The following IL1RAPL2 variants were observed in gnomAD, a reference collection of about 807,000 sequenced individuals.
IL1RAPL2 encodes interleukin 1 receptor accessory protein like 2.
A neutral mutation model predicts 44.1 loss-of-function variants in IL1RAPL2; 3 were observed. The ratio of observed to expected loss-of-function variants is 0.07; its 90% CI spans 0.03 to 0.18. The LOEUF is 0.18. Ranked by LOEUF, IL1RAPL2 falls within the 10% of genes least tolerant of loss-of-function variation. IL1RAPL2 has a pLI of 1.00. For missense variants in IL1RAPL2, 391 were observed against 496.4 expected (o/e 0.79, Z 2.02); for synonymous variants, 181 against 178.8 (o/e 1.01, Z -0.10).
chrX:105,670,492 G>A (rs1456392330), intron 6 of IL1RAPL2, among the ~76,000 whole-genome samples: 3 of 104,294 alleles, frequency 2.9e-5, no homozygotes, highest in Non-Finnish European at 5.9e-5. Context: ...GTAGAGACGG[G>A]GTTTCACAGT....
intron 5 of IL1RAPL2, among the ~76,000 whole-genome samples, chrX:105,426,846 C>T (rs1361669723): frequency 1.1e-4 from 12 of 112,051 alleles, no homozygotes; most frequent in Admixed American, 1.0e-3. Flanking sequence ...GCCATGTACC[C>T]TCAGACCCCA....
intron 4 of IL1RAPL2, among the ~76,000 whole-genome samples, chrX:105,240,096 C>G (rs2034157109): frequency 8.9e-6 from 1 of 112,208 alleles, no homozygotes; most frequent in Non-Finnish European, 1.9e-5. Flanking sequence ...GTACAAGTCA[C>G]CACAACAATA....
chrX:104,676,175 A>G (rs868181506), intron 2 of IL1RAPL2, among the ~76,000 whole-genome samples: 3 of 110,869 alleles, frequency 2.7e-5, no homozygotes, highest in African/African-American at 9.9e-5. Context: ...TCGTTAGTTG[A>G]TGCAGTTTCT....
chrX:104,871,498 T>C (rs769002290), intron 2 of IL1RAPL2, among the ~76,000 whole-genome samples: 40 of 111,998 alleles, frequency 3.6e-4, no homozygotes, highest in Middle Eastern at 9.3e-3. Flanking sequence ...CCTTTCCAAC[T>C]CTGACATTGT....
intron 2 of IL1RAPL2, among the ~76,000 whole-genome samples, chrX:104,719,272 G>T (rs941565870): frequency 3.6e-5 from 4 of 112,047 alleles, no homozygotes; most frequent in Non-Finnish European, 7.5e-5. Flanking sequence ...ACTGGCTTAT[G>T]CATATAAATG....
intron 2 of IL1RAPL2, among the ~76,000 whole-genome samples, chrX:104,772,637 G>A (rs944788894): frequency 1.3e-4 from 14 of 111,781 alleles, no homozygotes; most frequent in South Asian, 7.4e-4. Flanking sequence ...AAAGCACAGA[G>A]ATGTATAATT....
chrX:105,700,342 C>G (rs1375447611), intron 6 of IL1RAPL2, among the ~76,000 whole-genome samples: 1 of 111,982 alleles, frequency 8.9e-6, no homozygotes, highest in Non-Finnish European at 1.9e-5. Context: ...AGTCATGTAA[C>G]CACTTCATTC....
intron 1 of IL1RAPL2, among the ~76,000 whole-genome samples, chrX:104,572,906 C>G (rs1436321150): frequency 8.9e-6 from 1 of 112,348 alleles, no homozygotes; most frequent in Non-Finnish European, 1.9e-5. Context: ...TCAGCAATCT[C>G]TCCCTTTTCA....
At chrX:105,044,294 A>G (rs1020962633) in intron 2 of IL1RAPL2, among the ~76,000 whole-genome samples, 40 of 111,468 alleles carry the variant, frequency 3.6e-4, no homozygotes, top group African/African-American at 1.3e-3. Flanking sequence ...AAGTGTTAAT[A>G]GTTTTGTATT....
At chrX:105,220,265 T>A in intron 3 of IL1RAPL2, 1 of 1,210,924 alleles carries the variant, frequency 8.3e-7, no homozygotes, top group Non-Finnish European at 1.1e-6. Flanking sequence ...TCTTCCACCT[T>A]CTCCCAGGAT....
intron 6 of IL1RAPL2, among the ~76,000 whole-genome samples, chrX:105,591,883 A>T (rs1425830826): frequency 3.6e-5 from 4 of 110,887 alleles, no homozygotes; most frequent in African/African-American, 6.6e-5. Context: ...GAGAAGAGTG[A>T]ATATTTTGTT....
At chrX:104,894,761 C>T (rs1367114252) in intron 2 of IL1RAPL2, among the ~76,000 whole-genome samples, 2 of 112,230 alleles carry the variant, frequency 1.8e-5, no homozygotes, top group Middle Eastern at 4.6e-3. Context: ...GAAGTTTGAT[C>T]ATCTGAAGCC....
intron 6 of IL1RAPL2, among the ~76,000 whole-genome samples, chrX:105,691,916 TATAAC>T (rs984183930): frequency 5.4e-5 from 6 of 111,751 alleles, no homozygotes; most frequent in South Asian, 3.7e-4. Context: ...AAATTCCAGT[TATAAC>T]ATAGCTGAAA....
intron 2 of IL1RAPL2, among the ~76,000 whole-genome samples, chrX:105,053,178 C>T (rs996642374): frequency 2.7e-5 from 3 of 111,081 alleles, no homozygotes. Flanking sequence ...TCCAATTTTC[C>T]ACCCTAGCAT....
Position 105,607,635 on chromosome X carries a change from C to CAAAAAA in IL1RAPL2, c.773-109709_773-109704dup, listed in dbSNP as rs11377516. Among the ~76,000 whole-genome samples the CAAAAAA allele has an allele frequency of 1.4e-3, 22 of 15,712 alleles. 1 individual carries two copies. Among genetic ancestry groups the CAAAAAA allele is most frequent in the East Asian group, 3.8e-3 (1 of 261 alleles). The allele number at this position is 15,712 out of a possible 115,157, so 13.6% of individuals were successfully genotyped here. On this transcript the variant is annotated intron_variant, in intron 6 of 10. Transcript: ENST00000372582. ...AAAAGATGCATGGACATTCAGCAGA[C>CAAAAAA]AAAAAAAAAAAAAAAAAAAAAAAAA...
At chrX:104,902,691 ATAT>A (rs1923855282) in intron 2 of IL1RAPL2, among the ~76,000 whole-genome samples, 2 of 112,036 alleles carry the variant, frequency 1.8e-5, no homozygotes, top group South Asian at 7.4e-4. Context: ...TTTCCTGTCT[ATAT>A]GTATATATTC....
chrX:105,512,110 C>T (rs2036474739), intron 6 of IL1RAPL2, among the ~76,000 whole-genome samples: 1 of 111,073 alleles, frequency 9.0e-6, no homozygotes, highest in African/African-American at 3.3e-5. Flanking sequence ...AGAAATATGG[C>T]ATTTCTGGGT....
At chrX:104,756,561 A>C (rs1318076980) in intron 2 of IL1RAPL2, among the ~76,000 whole-genome samples, 2 of 110,782 alleles carry the variant, frequency 1.8e-5, no homozygotes, top group Non-Finnish European at 3.8e-5. Flanking sequence ...CATATCAGAC[A>C]CTGTTCTAGG....
intron 6 of IL1RAPL2, among the ~76,000 whole-genome samples, chrX:105,551,068 T>C (rs1442131207): frequency 2.7e-5 from 3 of 110,953 alleles, no homozygotes; most frequent in Admixed American, 9.6e-5. Context: ...TCCAGGTTTT[T>C]ACAGTGAATA....
Sources: allele counts gnomAD v4.1 joint callset (sites outside exome capture counted in the v4.1 genomes callset), GRCh38; gene constraint gnomAD v4.1.1; transcripts MANE v1.5; gene names NCBI Gene and HGNC (gene_info 2026-07-23, HGNC 2026-07-21).